The following MAPT variants were observed in gnomAD, a reference collection of about 807,000 sequenced individuals.
The protein encoded by MAPT is microtubule associated protein tau.
Under a neutral mutation model 67.9 loss-of-function variants are expected in MAPT, and 34 were observed. The observed-to-expected ratio is 0.50, with a 90% CI of 0.38 to 0.67. The LOEUF (loss-of-function observed/expected upper bound fraction) is 0.67, where lower values mean the gene tolerates loss of function less well. Among genes scored for constraint, MAPT ranks in the 30% least tolerant of loss-of-function variants. The probability of loss-of-function intolerance (pLI) is 0.00; values close to 1 mark genes in which losing one functional copy is unlikely to be tolerated. For synonymous variants in MAPT, 456 were observed against 464.5 expected (o/e 0.98, Z 0.23); for missense variants, 881 against 1,115.2 (o/e 0.79, Z 2.99).
intron 8 of MAPT, among the ~76,000 whole-genome samples, chr17:45,991,837 T>TC: frequency 6.6e-6 from 1 of 151,164 alleles, no homozygotes; most frequent in African/African-American, 2.4e-5. Context: ...CAGGCCGGAG[T>TC]GCAGTGGTGT....
chr17:45,930,361 C>T (rs62061710), intron 1 of MAPT, among the ~76,000 whole-genome samples: 21,644 of 150,092 alleles, frequency 0.14, 2,139 homozygotes, highest in Middle Eastern at 0.22. Context: ...GAGCCGAGAT[C>T]GCACTACTGC....
rs759212591 is a variant in MAPT at position 45,991,483 on chromosome 17, C to T, written c.1629C>T (p.Ile543=). The change falls in exon 8 of 13, where the codon ATC becomes ATT. Residue 543 remains isoleucine (I), a synonymous_variant. Transcript: ENST00000262410. ...KLKGADGKTK[I]ATPRGAAPPG... ...AGGGGGCTGATGGTAAAACGAAGATCGCCACACCGCGGGGAGCAGCCCCTC... is the reference window on the plus strand; with the variant it reads ...AGGGGGCTGATGGTAAAACGAAGATTGCCACACCGCGGGGAGCAGCCCCTC... The T allele has an allele frequency of 1.2e-5, 20 of 1,614,190 alleles. No individual in the cohort carries two copies. In the South Asian group the frequency reaches 1.5e-4, roughly 12 times the overall value.
chr17:45,992,311 C>T (rs1459106057), intron 8 of MAPT, among the ~76,000 whole-genome samples: 2 of 152,152 alleles, frequency 1.3e-5, no homozygotes, highest in East Asian at 3.9e-4. Flanking sequence ...AGAGGCAGCC[C>T]CAGCATGGCA....
chr17:45,897,900 C>T lies in MAPT; in HGVS notation c.-18+3214C>T, dbSNP rs2063368041. 1 of 152,114 alleles carries T rather than the reference C, an allele frequency of 6.6e-6. No homozygotes were observed. The highest frequency in any genetic ancestry group is 2.1e-4 in the South Asian group (1 of 4,824). 9.4% of individuals were successfully genotyped at this position (152,114 alleles called of 1,614,324 possible). On this transcript the variant is annotated intron_variant, in intron 1 of 12. Transcript: ENST00000262410. The surrounding 1 kb of genome is among the most constrained non-coding windows in gnomAD (Gnocchi z 5.0). ...GGAGACAGGGAAATGTCTTTCCTACCGCGGTTGATTCTGGGGTGTCATTTT... is the reference window on the plus strand; with the variant it reads ...GGAGACAGGGAAATGTCTTTCCTACTGCGGTTGATTCTGGGGTGTCATTTT...
At chr17:45,937,262 A>C (rs922555252) in intron 1 of MAPT, among the ~76,000 whole-genome samples, 11 of 152,058 alleles carry the variant, frequency 7.2e-5, no homozygotes, top group Non-Finnish European at 1.5e-4. Context: ...CACTTTCTCT[A>C]GGAAGCTAGT....
At chr17:45,900,987 T>A (rs773523257) in intron 1 of MAPT, among the ~76,000 whole-genome samples, 4 of 152,020 alleles carry the variant, frequency 2.6e-5, no homozygotes, top group Non-Finnish European at 2.9e-5. Flanking sequence ...ACCAGAGGGG[T>A]CTAAAGATCC....
intron 1 of MAPT, among the ~76,000 whole-genome samples, chr17:45,956,567 TATATATATATATATATATATATATA>T (rs2069695259): frequency 2.2e-4 from 11 of 50,628 alleles, no homozygotes; most frequent in African/African-American, 4.3e-4. Flanking sequence ...TATATATATA[TATATATATATATATATATATATATA>T]TATATATATT....
intron 9 of MAPT, among the ~76,000 whole-genome samples, chr17:45,998,571 G>T (rs920028654): frequency 6.6e-6 from 1 of 152,174 alleles, no homozygotes; most frequent in Admixed American, 6.5e-5. Flanking sequence ...CAAACGATCC[G>T]GGTTAAATTA....
chr17:45,935,624 G>A (rs1292990843), intron 1 of MAPT, among the ~76,000 whole-genome samples: 2 of 152,058 alleles, frequency 1.3e-5, no homozygotes, highest in African/African-American at 4.8e-5. Context: ...CCCTGATGCC[G>A]GCTCCTGGCC....
At chr17:45,974,306 C>A in intron 3 of MAPT, 1 of 1,033,650 alleles carries the variant, frequency 9.7e-7, no homozygotes, top group Non-Finnish European at 1.5e-6. Context: ...CCCTGCATTG[C>A]TCCTGCGCAA....
chr17:46,019,149 G>A lies in MAPT; in HGVS notation c.2286+419G>A, dbSNP rs569327529. On this transcript the variant is annotated intron_variant, in intron 12 of 12. Coordinates refer to ENST00000262410, the MANE Select transcript of MAPT (RefSeq NM_001377265.1). ...GCTGGGGAGGCCTCAAAATCATGGCGGAAGGCAAAGGAGAAGCAAAGGCAT... is the reference window on the plus strand; with the variant it reads ...GCTGGGGAGGCCTCAAAATCATGGCAGAAGGCAAAGGAGAAGCAAAGGCAT... Among the ~76,000 whole-genome samples the A allele has an allele frequency of 1.8e-4, 27 of 152,254 alleles. 1 individual carries two copies. Among genetic ancestry groups the A allele is most frequent in the Admixed American group, 9.8e-4 (15 of 15,296 alleles).
At chr17:45,925,776 A>C (rs928083949) in intron 1 of MAPT, among the ~76,000 whole-genome samples, 2 of 152,174 alleles carry the variant, frequency 1.3e-5, no homozygotes, top group African/African-American at 4.8e-5. Flanking sequence ...AAAAATGTAC[A>C]AACATATTCA....
At chr17:45,970,384 A>T (rs911768486) in intron 2 of MAPT, among the ~76,000 whole-genome samples, 5 of 152,062 alleles carry the variant, frequency 3.3e-5, no homozygotes, top group Admixed American at 2.0e-4. Flanking sequence ...CCAATCATCC[A>T]TCCATCCATC....
rs985695659 is a variant in MAPT, at chr17:45,972,104, C to T, written c.220+159C>T. On this transcript the variant is annotated intron_variant, in intron 3 of 12. Transcript: ENST00000262410. Reference sequence around the variant, plus strand: ...GCGTGGTGGGAGCTGAGCCTTGCGTCGATGCCTTGCTTGCTGGTGCTGAGT... The same window carrying T: ...GCGTGGTGGGAGCTGAGCCTTGCGTTGATGCCTTGCTTGCTGGTGCTGAGT... 3.5e-5 allele frequency: 25 copies of T among 710,228 alleles called. No individual in the cohort carries two copies. The Admixed American group carries it at 4.6e-4, about 13-fold the overall frequency. The allele number at this position is 710,228 out of a possible 1,614,324, so 44.0% of individuals were successfully genotyped here. A position where few individuals can be genotyped will look rare whatever the true frequency, so the allele number is the denominator to read the frequency against.
chr17:45,992,395 A>G (rs2074129042), intron 8 of MAPT, among the ~76,000 whole-genome samples: 3 of 152,326 alleles, frequency 2.0e-5, no homozygotes, highest in Middle Eastern at 3.4e-3. Flanking sequence ...ATAAGTCACA[A>G]TGGGTGACGT....
chr17:45,952,611 C>A (rs2069197051), intron 1 of MAPT, among the ~76,000 whole-genome samples: 1 of 152,110 alleles, frequency 6.6e-6, no homozygotes, highest in African/African-American at 2.4e-5. Context: ...ATAGTGAAAC[C>A]CCATCTCTAC....
chr17:45,934,027 A>G (rs1031807956), intron 1 of MAPT, among the ~76,000 whole-genome samples: 8 of 152,084 alleles, frequency 5.3e-5, no homozygotes, highest in Non-Finnish European at 4.4e-5. Flanking sequence ...AGAGACTTCC[A>G]TTTGTTGTTT....
rs1382049395 is a variant in MAPT at position 45,971,950 on chromosome 17, GC to G, written c.220+11del. 9 of 1,613,090 alleles carry G rather than the reference GC, an allele frequency of 5.6e-6. No individual in the cohort carries two copies. The highest frequency in any genetic ancestry group is 7.6e-6 in the Non-Finnish European group (9 of 1,179,342). Reference sequence around the variant, plus strand: ...AGAGCACTCCAACAGCGGAAGGTGGGCCCCCCTTCAGACGCCCCCTCCATGC... The same window carrying G: ...AGAGCACTCCAACAGCGGAAGGTGGGCCCCCTTCAGACGCCCCCTCCATGC... On this transcript the variant is annotated splice_donor_region_variant and intron_variant, in intron 3 of 12. Transcript: ENST00000262410. This position sits in a 1 kb window ranked among gnomAD's most constrained non-coding sequence, Gnocchi z 4.3.
chr17:45,934,787 C>T (rs2067168793), intron 1 of MAPT, among the ~76,000 whole-genome samples: 1 of 152,212 alleles, frequency 6.6e-6, no homozygotes, highest in Non-Finnish European at 1.5e-5. Context: ...TGACTTTGCA[C>T]ATGGGGCTTG....
Sources: allele counts gnomAD v4.1 joint callset (sites outside exome capture counted in the v4.1 genomes callset), GRCh38; gene constraint gnomAD v4.1.1; non-coding constraint Gnocchi (gnomAD v3.1); transcripts MANE v1.5; gene names NCBI Gene and HGNC (gene_info 2026-07-23, HGNC 2026-07-21).